MECOM: variants seen among roughly 807,000 people sequenced by gnomAD.
MECOM encodes the protein histone-lysine N-methyltransferase MECOM.
Under a neutral mutation model 116.3 loss-of-function variants are expected in MECOM, and 13 were observed. The ratio of observed to expected loss-of-function variants is 0.11; its 90% confidence interval spans 0.07 to 0.18. The LOEUF (loss-of-function observed/expected upper bound fraction) is 0.18. Among genes scored for constraint, MECOM ranks in the 10% least tolerant of loss-of-function variants. The probability of loss-of-function intolerance (pLI) is 1.00; values close to 1 mark genes in which losing one functional copy is unlikely to be tolerated. For missense variants in MECOM, 1,299 were observed against 1,509.0 expected, an observed-to-expected ratio of 0.86 and a Z score of 2.31; for synonymous variants, 528 against 535.2, an observed-to-expected ratio of 0.99 and a Z score of 0.19.
chr3:169,325,951 G>A (rs1463320470), intron 2 of MECOM, among the ~76,000 whole-genome samples: 1 of 152,182 alleles, frequency 6.6e-6, no homozygotes, highest in Non-Finnish European at 1.5e-5. Flanking sequence ...CCTGCCACTG[G>A]GCTAGGCACT....
intron 2 of MECOM, among the ~76,000 whole-genome samples, chr3:169,209,989 G>A (rs1296954037): frequency 6.6e-6 from 1 of 152,172 alleles, no homozygotes; most frequent in Non-Finnish European, 1.5e-5. Flanking sequence ...TAAAGAAAAT[G>A]TGGTATATAT....
intron 1 of MECOM, among the ~76,000 whole-genome samples, chr3:169,575,101 A>C (rs1305596743): frequency 6.6e-6 from 1 of 152,184 alleles, no homozygotes; most frequent in Non-Finnish European, 1.5e-5. Flanking sequence ...GTACTAAGGG[A>C]AAAATATACC....
chr3:169,150,173 G>A (rs1740968572), intron 2 of MECOM, among the ~76,000 whole-genome samples: 2 of 152,094 alleles, frequency 1.3e-5, no homozygotes, highest in East Asian at 1.9e-4. Context: ...CTCATGAAAG[G>A]GTCTTCTTGC....
At chr3:169,233,084 A>G (rs1753612770) in intron 2 of MECOM, among the ~76,000 whole-genome samples, 1 of 151,998 alleles carries the variant, frequency 6.6e-6, no homozygotes, top group Admixed American at 6.6e-5. Flanking sequence ...TAGAAATGCC[A>G]AGTCATTTCC....
chr3:169,349,516 G>A (rs185722171), intron 2 of MECOM, among the ~76,000 whole-genome samples: 3 of 151,954 alleles, frequency 2.0e-5, no homozygotes, highest in Admixed American at 2.0e-4. Context: ...GAACTGTGCT[G>A]ATTCATACCG....
chr3:169,097,817 T>TAAAAAAAAAAAAAAAAAAAAAAA lies in MECOM; in HGVS notation c.2850-2595_2850-2573dup, dbSNP rs539873617. 2.9e-4 allele frequency among the ~76,000 whole-genome samples: 25 copies of TAAAAAAAAAAAAAAAAAAAAAAA among 87,202 alleles called. 1 individual carries two copies. Among genetic ancestry groups the TAAAAAAAAAAAAAAAAAAAAAAA allele is most frequent in the Middle Eastern group, 6.8e-3 (1 of 148 alleles). 57.2% of individuals were successfully genotyped at this position (87,202 alleles called of 152,430 possible). A position where few individuals can be genotyped will look rare whatever the true frequency, so the allele number is the denominator to read the frequency against. On this transcript the variant is annotated intron_variant, in intron 12 of 16. Coordinates refer to ENST00000651503, the MANE Select transcript of MECOM (RefSeq NM_004991.4). ...AACAGAGTGAGACCTACTGTCTATA[T>TAAAAAAAAAAAAAAAAAAAAAAA]AAAAAAAAAAAAAAAAAAAAAAAGG... is the stretch of plus-strand genomic sequence containing the variant.
At chr3:169,126,465 A>T (rs16853206) in intron 5 of MECOM, among the ~76,000 whole-genome samples, 9,564 of 152,084 alleles carry the variant, frequency 0.063, 444 homozygotes, top group South Asian at 0.2. Context: ...ATTTGGGCAC[A>T]ATTATATTAA....
At chr3:169,636,808 C>T (rs559604082) in intron 1 of MECOM, among the ~76,000 whole-genome samples, 2 of 152,328 alleles carry the variant, frequency 1.3e-5, no homozygotes, top group Admixed American at 6.5e-5. Flanking sequence ...CCCACTCCCA[C>T]CATGATCTAG....
At chr3:169,658,429 G>A (rs1775801374) in intron 1 of MECOM, among the ~76,000 whole-genome samples, 1 of 152,216 alleles carries the variant, frequency 6.6e-6, no homozygotes, top group Non-Finnish European at 1.5e-5. Flanking sequence ...AGTGCTCCTT[G>A]TCTTCCTGAA....
At chr3:169,299,491 C>T (rs574601670) in intron 2 of MECOM, among the ~76,000 whole-genome samples, 3 of 152,140 alleles carry the variant, frequency 2.0e-5, no homozygotes, top group Non-Finnish European at 2.9e-5. Flanking sequence ...GGGTTTGAGT[C>T]GCCATTGTAT....
In MECOM at chr3:169,143,719, A is replaced by T. The variant is rs1218006269; in HGVS notation, c.489T>A (p.Val163=). The T allele has an allele frequency of 1.2e-6, 2 of 1,605,422 alleles. No individual in the cohort carries two copies. The highest frequency in any genetic ancestry group is 3.4e-5 in the Admixed American group (2 of 58,542). The change falls in exon 3 of 17, where the codon GTT becomes GTA. Residue 163 remains valine, a synonymous_variant. Transcript: ENST00000651503. ...ATACCTGATCATTTATCTGGCATGC[A>T]ACAAGGTTGTGCTGATCATAACAGC... ...FAGCYDQHNL[V]ACQINDQIFY...
At chr3:169,571,964 G>A (rs1283092249) in intron 1 of MECOM, among the ~76,000 whole-genome samples, 2 of 152,082 alleles carry the variant, frequency 1.3e-5, no homozygotes, top group African/African-American at 4.8e-5. Flanking sequence ...CAAAAGTAAT[G>A]GCAACAAAAG....
At chr3:169,619,223 C>G (rs533960492) in intron 1 of MECOM, among the ~76,000 whole-genome samples, 1 of 152,190 alleles carries the variant, frequency 6.6e-6, no homozygotes, top group East Asian at 1.9e-4. Flanking sequence ...CCGGCCGCAG[C>G]GCATCCCCAG....
chr3:169,322,965 A>C (rs1577711525), intron 2 of MECOM, among the ~76,000 whole-genome samples: 1 of 129,534 alleles, frequency 7.7e-6, no homozygotes, highest in African/African-American at 3.0e-5. Flanking sequence ...GCACCACTAC[A>C]CTCCAGCCTG....
intron 1 of MECOM, among the ~76,000 whole-genome samples, chr3:169,525,753 G>A (rs1757889504): frequency 6.6e-6 from 1 of 152,238 alleles, no homozygotes; most frequent in African/African-American, 2.4e-5. Flanking sequence ...ATGCAGCCGG[G>A]CGTGATGGCT....
At chr3:169,454,472 C>A (rs2108687183) in intron 1 of MECOM, among the ~76,000 whole-genome samples, 1 of 148,038 alleles carries the variant, frequency 6.8e-6, no homozygotes, top group African/African-American at 2.5e-5. Flanking sequence ...TGCTAAGAAT[C>A]AAAAGTACAG....
intron 2 of MECOM, among the ~76,000 whole-genome samples, chr3:169,257,226 G>A (rs934386868): frequency 2.6e-5 from 4 of 152,156 alleles, no homozygotes; most frequent in African/African-American, 9.7e-5. Context: ...TACATTATAA[G>A]CACCAAAGAG....
chr3:169,389,163 T>A (rs913308581), intron 1 of MECOM, among the ~76,000 whole-genome samples: 6 of 152,238 alleles, frequency 3.9e-5, no homozygotes, highest in African/African-American at 1.2e-4. Flanking sequence ...ATTAAACTAG[T>A]ACTCCTAAGC....
At chr3:169,357,050 AT>A (rs1727399003) in intron 2 of MECOM, among the ~76,000 whole-genome samples, 1 of 151,778 alleles carries the variant, frequency 6.6e-6, no homozygotes. Flanking sequence ...TTGTTGCCGC[AT>A]TTCTGTTTCT....
Sources: gnomAD v4.1 joint callset for allele counts (sites outside exome capture counted in the v4.1 genomes callset) on GRCh38, gnomAD v4.1.1 for gene constraint, MANE v1.5 for transcripts, NCBI Gene and HGNC (gene_info 2026-07-23, HGNC 2026-07-21) for gene names.